Variants in ZC3H12B observed in about 807,000 individuals in gnomAD.
ZC3H12B encodes the protein zinc finger CCCH-type containing 12B.
A neutral mutation model predicts 43.9 loss-of-function variants in ZC3H12B; 7 were observed. The observed-to-expected ratio is 0.16, with a 90% CI of 0.09 to 0.30. The LOEUF is 0.30. Among genes scored for constraint, ZC3H12B ranks in the 10% least tolerant of loss-of-function variants. The pLI is 1.00. For missense variants in ZC3H12B, 475 were observed against 670.2 expected (o/e 0.71, Z 3.22); for synonymous variants, 222 against 241.7 (o/e 0.92, Z 0.76).
chrX:65,228,766 G>C, the ZC3H12B span, among the ~76,000 whole-genome samples: 1 of 111,607 alleles, frequency 9.0e-6, no homozygotes, highest in Non-Finnish European at 1.9e-5. Context: ...AAAATCATAA[G>C]TGAACTCCCA....
the ZC3H12B span, among the ~76,000 whole-genome samples, chrX:65,229,966 A>T: frequency 8.9e-6 from 1 of 111,922 alleles, no homozygotes; most frequent in African/African-American, 3.2e-5. Context: ...CCATTGTGGA[A>T]GTCAGTGTGG....
the ZC3H12B span, among the ~76,000 whole-genome samples, chrX:65,044,238 A>C: frequency 8.9e-6 from 1 of 111,741 alleles, no homozygotes; most frequent in Non-Finnish European, 1.9e-5. Flanking sequence ...AGGACATGTG[A>C]ATATCTGGAG....
At chrX:65,325,772 A>C in the ZC3H12B span, among the ~76,000 whole-genome samples, 9 of 111,638 alleles carry the variant, frequency 8.1e-5, no homozygotes, top group South Asian at 3.3e-3. Flanking sequence ...TTATGAGCAA[A>C]AGAATCGAAC....
At chrX:65,170,454 G>A in the ZC3H12B span, among the ~76,000 whole-genome samples, 1 of 111,481 alleles carries the variant, frequency 9.0e-6, no homozygotes. Context: ...TTTCTCTCTG[G>A]CTGCCCTTAA....
the ZC3H12B span, among the ~76,000 whole-genome samples, chrX:65,248,745 A>AT: frequency 9.0e-6 from 1 of 111,497 alleles, no homozygotes; most frequent in Non-Finnish European, 1.9e-5. Context: ...AACATCTACT[A>AT]TTTTTTTGAT....
the ZC3H12B span, among the ~76,000 whole-genome samples, chrX:65,281,239 T>G: frequency 9.3e-6 from 1 of 107,391 alleles, no homozygotes; most frequent in South Asian, 4.2e-4. Flanking sequence ...AACTTTTTTT[T>G]TTTTTTTTTT....
the ZC3H12B span, among the ~76,000 whole-genome samples, chrX:65,056,092 A>G: frequency 3.6e-5 from 4 of 111,708 alleles, no homozygotes; most frequent in South Asian, 1.1e-3. Context: ...TATCTCCTAC[A>G]TTTCTACTCT....
intron 2 of ZC3H12B, among the ~76,000 whole-genome samples, chrX:65,497,576 T>G (rs1235539237): frequency 8.9e-6 from 1 of 112,164 alleles, no homozygotes; most frequent in African/African-American, 3.2e-5. Context: ...TGAGCATGAC[T>G]AAGTTTTCAA....
the ZC3H12B span, among the ~76,000 whole-genome samples, chrX:65,037,207 G>T: frequency 1.8e-5 from 2 of 111,174 alleles, no homozygotes; most frequent in South Asian, 7.6e-4. Flanking sequence ...AATTGGAACA[G>T]AGTCATATTG....
At chrX:65,320,576 A>T in the ZC3H12B span, among the ~76,000 whole-genome samples, 2 of 112,367 alleles carry the variant, frequency 1.8e-5, no homozygotes, top group African/African-American at 3.2e-5. Context: ...AACCAAAAAA[A>T]GTCTGAATAG....
the ZC3H12B span, among the ~76,000 whole-genome samples, chrX:65,206,434 G>A: frequency 9.0e-6 from 1 of 111,503 alleles, no homozygotes; most frequent in Non-Finnish European, 1.9e-5. Context: ...TTCAACAAAT[G>A]GTGCTTGGAT....
At chrX:65,068,105 CTTTTTT>C in the ZC3H12B span, among the ~76,000 whole-genome samples, 2 of 60,813 alleles carry the variant, frequency 3.3e-5, no homozygotes, top group African/African-American at 1.4e-4. Context: ...CTTGATGTTA[CTTTTTT>C]TTTTTTTTTT....
chrX:65,135,061 T>A, the ZC3H12B span, among the ~76,000 whole-genome samples: 2 of 111,307 alleles, frequency 1.8e-5, no homozygotes, highest in Admixed American at 1.9e-4. Context: ...TCACAGGGTA[T>A]ATGATGGCTT....
chrX:65,307,755 T>G, the ZC3H12B span, among the ~76,000 whole-genome samples: 5 of 111,724 alleles, frequency 4.5e-5, no homozygotes, highest in African/African-American at 1.6e-4. Flanking sequence ...TATAGTAGAA[T>G]ACACAAAGCC....
At chrX:65,445,472 G>T (rs1477716482) in intron 3 of ZC3H12B, among the ~76,000 whole-genome samples, 2 of 112,499 alleles carry the variant, frequency 1.8e-5, no homozygotes, top group Non-Finnish European at 3.7e-5. Flanking sequence ...AGAGTCTCTT[G>T]TTCACTTCCT....
At chrX:65,397,872 T>C (rs1446919707) in intron 2 of ZC3H12B, among the ~76,000 whole-genome samples, 3 of 111,964 alleles carry the variant, frequency 2.7e-5, no homozygotes, top group African/African-American at 9.7e-5. Flanking sequence ...CATTTTATAC[T>C]TCACAAAACC....
chrX:65,444,446 C>T (rs188644030), intron 3 of ZC3H12B, among the ~76,000 whole-genome samples: 58 of 112,126 alleles, frequency 5.2e-4, no homozygotes, highest in African/African-American at 1.8e-3. Context: ...ACGGGCATTT[C>T]CCTGCACAAA....
chrX:65,150,955 A>G, the ZC3H12B span, among the ~76,000 whole-genome samples: 1 of 111,746 alleles, frequency 8.9e-6, no homozygotes, highest in African/African-American at 3.3e-5. Context: ...TTTTATTATG[A>G]GGTTTTATTC....
intron 3 of ZC3H12B, among the ~76,000 whole-genome samples, chrX:65,428,652 T>A (rs1452888264): frequency 8.9e-6 from 1 of 112,396 alleles, no homozygotes; most frequent in Non-Finnish European, 1.9e-5. Context: ...TGTCAGCTCC[T>A]GTATTGTTTA....
Sources: gnomAD v4.1 joint callset for allele counts (sites outside exome capture counted in the v4.1 genomes callset) on GRCh38, gnomAD v4.1.1 for gene constraint, MANE v1.5 for transcripts, NCBI Gene and HGNC (gene_info 2026-07-23, HGNC 2026-07-21) for gene names.